Variants in CARD8 observed in about 807,000 individuals in gnomAD.
CARD8 encodes the protein caspase recruitment domain-containing protein 8.
Under a neutral mutation model 53.2 loss-of-function variants are expected in CARD8, and 38 were observed. The observed-to-expected ratio is 0.71, with a 90% CI of 0.55 to 0.94. The LOEUF (loss-of-function observed/expected upper bound fraction) is 0.94, where lower values mean the gene tolerates loss of function less well. Ranked by LOEUF, CARD8 falls within the 40% of genes least tolerant of loss-of-function variation. The pLI is 0.00. For missense variants in CARD8, 561 were observed against 655.5 expected, an observed-to-expected ratio of 0.86 and a Z score of 1.57; for synonymous variants, 245 against 244.9, an observed-to-expected ratio of 1.00 and a Z score of 0.00.
intron 1 of CARD8, among the ~76,000 whole-genome samples, chr19:48,253,578 A>G (rs2047203503): frequency 6.6e-6 from 1 of 152,220 alleles, no homozygotes; most frequent in African/African-American, 2.4e-5. Flanking sequence ...AACCCAAAGA[A>G]GTTATATTAA....
In CARD8 at chr19:48,211,899, G is replaced by A. The variant is rs1158113180; in HGVS notation, c.1425C>T (p.Leu475=). Residue 475 remains leucine (L), a synonymous_variant, in exon 14 of 14, where the codon CTC becomes CTT. Coordinates refer to ENST00000651546, the MANE Select transcript of CARD8 (RefSeq NM_001184900.3). ...TCTCAGTAAGAACCTCATTGTCTTG[G>A]AGATCATCGAGCACCCCTTTCAGGT... is the stretch of plus-strand genomic sequence containing the variant. ...MGDLKGVLDD[L]QDNEVLTENE... 6.2e-7 allele frequency: 1 copy of A among 1,613,984 alleles called. No individual in the cohort carries two copies. The highest frequency in any genetic ancestry group is 8.5e-7 in the Non-Finnish European group (1 of 1,179,954).
At chr19:48,206,659 A>G, downstream of CARD8, 1 of 374,630 alleles carries the variant, frequency 2.7e-6, no homozygotes, top group Non-Finnish European at 5.3e-6. Context: ...TGAAAACTCT[A>G]AAGAGCACTG....
intron 10 of CARD8, among the ~76,000 whole-genome samples, chr19:48,228,577 T>C (rs867389508): frequency 6.6e-6 from 1 of 152,106 alleles, no homozygotes; most frequent in Non-Finnish European, 1.5e-5. Context: ...AACTGAGGAA[T>C]ATGGAGACTT....
chr19:48,231,706 CT>C lies in CARD8; in HGVS notation c.495del (p.Gly166GlufsTer7), dbSNP rs2042924923. On this transcript the variant is annotated frameshift_variant, in exon 8 of 14. Coordinates refer to ENST00000651546, the MANE Select transcript of CARD8 (RefSeq NM_001184900.3). LOFTEE classifies it high-confidence loss of function. ...TCAATCAACTCAACATCCACATTTC[CT>C]TCAGGCCCCAGAAACTGACGATTTT... ...DYKNRQFLGP[E>X]GNVDVELIDK... 6.2e-7 allele frequency: 1 copy of C among 1,612,692 alleles called. No homozygotes were observed. Among genetic ancestry groups the C allele is most frequent in the African/African-American group, 1.3e-5 (1 of 74,908 alleles).
At chr19:48,248,176 T>C (rs922121409) in intron 3 of CARD8, among the ~76,000 whole-genome samples, 1 of 152,200 alleles carries the variant, frequency 6.6e-6, no homozygotes, top group Admixed American at 6.5e-5. Flanking sequence ...TAGTATTTTA[T>C]GTGACATTGG....
chr19:48,223,956 A>G, intron 10 of CARD8: 1 of 449,440 alleles, frequency 2.2e-6, no homozygotes, highest in Non-Finnish European at 4.5e-6. Context: ...AATGTACTGC[A>G]ACCCCCAAAT....
At chr19:48,213,454 A>G (rs935432610) in intron 13 of CARD8, among the ~76,000 whole-genome samples, 1 of 152,092 alleles carries the variant, frequency 6.6e-6, no homozygotes, top group African/African-American at 2.4e-5. Flanking sequence ...GGCTTACTGC[A>G]ATCTCCGCCC....
At chr19:48,206,708 C>T (rs538504034), downstream of CARD8, among the ~76,000 whole-genome samples, 9 of 111,468 alleles carry the variant, frequency 8.1e-5, no homozygotes, top group South Asian at 3.0e-4. Context: ...AAGCCCACTC[C>T]GACTCTGGAG....
chr19:48,220,989 GGAAGGAA>G (rs2040459789), intron 11 of CARD8, among the ~76,000 whole-genome samples: 1 of 93,368 alleles, frequency 1.1e-5, no homozygotes, highest in Non-Finnish European at 2.2e-5. Flanking sequence ...AAGGAAGGAA[GGAAGGAA>G]AGAAAGAAAG....
At chr19:48,207,991 C>T (rs2037475637), downstream of CARD8, 2 of 149,616 alleles carry the variant, frequency 1.3e-5, no homozygotes, top group African/African-American at 2.4e-5. Flanking sequence ...CCACCTCGGC[C>T]TCCCAAAGTG....
Position 48,234,477 on chromosome 19 carries a change from ATCT to A in CARD8, c.273_275del (p.Glu91del). ...ATAATGGCTCTGCCTCTGTCTCATCATCTTCTTGGAAAAAATGTGAGATGTCAC... is the reference window on the plus strand; with the variant it reads ...ATAATGGCTCTGCCTCTGTCTCATCATCTTGGAAAAAATGTGAGATGTCAC... On this transcript the variant is annotated inframe_deletion, in exon 6 of 14. Transcript: ENST00000651546. The A allele has an allele frequency of 1.2e-6, 2 of 1,613,944 alleles. No individual in the cohort carries two copies. Among genetic ancestry groups the A allele is most frequent in the Non-Finnish European group, 1.7e-6 (2 of 1,179,872 alleles).
downstream of CARD8, among the ~76,000 whole-genome samples, chr19:48,205,212 A>C (rs995217371): frequency 7.2e-4 from 110 of 152,054 alleles, no homozygotes; most frequent in African/African-American, 2.4e-3. Flanking sequence ...TTTATTATGG[A>C]AAGTTTCGGC....
chr19:48,207,165 C>CAAAAAAAAAAA (rs71334273), downstream of CARD8, among the ~76,000 whole-genome samples: 1 of 81,838 alleles, frequency 1.2e-5, no homozygotes, highest in Non-Finnish European at 2.3e-5. Flanking sequence ...GACTCTGTCT[C>CAAAAAAAAAAA]AAAAAAAAAA....
intron 3 of CARD8, among the ~76,000 whole-genome samples, chr19:48,248,005 T>G (rs1427119794): frequency 1.3e-5 from 2 of 152,192 alleles, no homozygotes; most frequent in East Asian, 3.8e-4. Flanking sequence ...TTAAAAAGTT[T>G]TGACGGTTTA....
At chr19:48,213,408 T>G (rs1272055987) in intron 13 of CARD8, among the ~76,000 whole-genome samples, 1 of 152,156 alleles carries the variant, frequency 6.6e-6, no homozygotes, top group Non-Finnish European at 1.5e-5. Context: ...AAAGTCTCAC[T>G]CTTGTCCCCA....
chr19:48,238,663 T>C (rs932146414), intron 4 of CARD8, 131 bp from the exon 5 acceptor site: 4 of 776,584 alleles, frequency 5.2e-6, no homozygotes, highest in East Asian at 2.7e-5. Flanking sequence ...TGCCCATCCA[T>C]AGAGATGCCA....
Position 48,220,757 on chromosome 19 carries a change from A to C in CARD8, c.1161+973T>G, listed in dbSNP as rs546252179. Among the ~76,000 whole-genome samples the C allele has an allele frequency of 9.9e-5, 15 of 152,012 alleles. No homozygotes were observed. The East Asian group carries it at 2.7e-3, about 27-fold the overall frequency. On this transcript the variant is annotated intron_variant, in intron 11 of 13. Transcript: ENST00000651546. ...TGAAACCCCGTCTCTACTAAAAATA[A>C]AAAATCAGCCGGGAGTGGTGGTGCA...
chr19:48,209,744 A>T lies in CARD8; in HGVS notation c.*1966T>A, dbSNP rs978390729. ...TAAAAGAATTCCACTATTCATCAAA[A>T]TTTTCATCTATTCTCAAGACTGTTG... is the stretch of plus-strand genomic sequence containing the variant. On this transcript the variant is annotated 3_prime_UTR_variant, in exon 14 of 14. Transcript: ENST00000651546. The T allele has an allele frequency of 6.6e-5, 10 of 152,306 alleles. No individual in the cohort carries two copies. Among genetic ancestry groups the T allele is most frequent in the African/African-American group, 2.4e-4 (10 of 41,444 alleles). 9.4% of individuals were successfully genotyped at this position (152,306 alleles called of 1,614,324 possible).
chr19:48,204,214 G>T, downstream of CARD8: 1 of 455,786 alleles, frequency 2.2e-6, no homozygotes, highest in Non-Finnish European at 4.4e-6. Context: ...GCAGGAGGGG[G>T]ATTCAAAGGT....
Sources: allele counts gnomAD v4.1 joint callset (sites outside exome capture counted in the v4.1 genomes callset), GRCh38; gene constraint gnomAD v4.1.1; transcripts MANE v1.5; gene names NCBI Gene and HGNC (gene_info 2026-07-23, HGNC 2026-07-21).